SYN2: variants seen among roughly 807,000 people sequenced by gnomAD.
SYN2 encodes the protein synapsin II, also known as synapsin-2.
Under a neutral mutation model 50.9 loss-of-function variants are expected in SYN2, and 19 were observed. That is an observed-to-expected ratio of 0.37 (90% CI 0.26 to 0.55). The LOEUF is 0.55. Ranked by LOEUF, SYN2 falls within the 20% of genes least tolerant of loss-of-function variation. The probability of loss-of-function intolerance (pLI) is 0.81; values close to 1 mark genes in which losing one functional copy is unlikely to be tolerated. For synonymous variants in SYN2, 255 were observed against 224.9 expected (o/e 1.13, Z -1.20); for missense variants, 587 against 576.4 (o/e 1.02, Z -0.19).
chr3:12,102,890 A>T (rs554291237), intron 1 of SYN2, among the ~76,000 whole-genome samples: 2 of 152,270 alleles, frequency 1.3e-5, no homozygotes, highest in South Asian at 4.1e-4. Flanking sequence ...ACTACTCAAT[A>T]ACAATAGTAG....
intron 4 of SYN2, among the ~76,000 whole-genome samples, chr3:12,146,122 C>T (rs1336757273): frequency 6.6e-6 from 1 of 152,198 alleles, no homozygotes; most frequent in Non-Finnish European, 1.5e-5. Flanking sequence ...ACAACAAAGT[C>T]GCACAAAGAT....
intron 9 of SYN2, 65 bp from the exon 10 acceptor site, chr3:12,169,692 A>G: frequency 3.2e-6 from 5 of 1,578,300 alleles, no homozygotes; most frequent in Non-Finnish European, 4.3e-6. Flanking sequence ...CCCATTCTGA[A>G]AGATTGTACC....
chr3:12,025,908 T>C (rs905371599), intron 1 of SYN2, among the ~76,000 whole-genome samples: 2 of 152,238 alleles, frequency 1.3e-5, no homozygotes, highest in Admixed American at 1.3e-4. Context: ...GAAGCTTCCA[T>C]TGAATTTTAA....
At chr3:12,183,409 C>T (rs754536330) in intron 11 of SYN2, 37 bp downstream of exon 11, 8 of 1,613,262 alleles carry the variant, frequency 5.0e-6, no homozygotes, top group Non-Finnish European at 5.9e-6. Flanking sequence ...AATGGCATTG[C>T]AGTAGGGCCA....
chr3:12,143,554 T>G (rs994056099), intron 3 of SYN2, among the ~76,000 whole-genome samples: 1 of 152,200 alleles, frequency 6.6e-6, no homozygotes, highest in Non-Finnish European at 1.5e-5. Context: ...ATTTTCTGTT[T>G]CTGAGTTACT....
intron 7 of SYN2, chr3:12,165,785 T>C (rs903267466): frequency 6.6e-6 from 1 of 152,262 alleles, no homozygotes; most frequent in African/African-American, 2.4e-5. Context: ...ATTTTTATTA[T>C]GATTCTGTCT....
chr3:12,140,508 TA>T (rs1696989852), intron 1 of SYN2, 142 bp from the exon 2 acceptor site: 4 of 681,286 alleles, frequency 5.9e-6, no homozygotes, highest in Admixed American at 4.3e-5. Flanking sequence ...GGTGATCTCA[TA>T]GCAGAATGTG....
At chr3:12,015,488 G>A (rs1219646180) in intron 1 of SYN2, among the ~76,000 whole-genome samples, 2 of 152,172 alleles carry the variant, frequency 1.3e-5, no homozygotes, top group Admixed American at 6.5e-5. Context: ...AAAGCAACTC[G>A]TTGGTTCCCT....
At chr3:12,081,387 A>G (rs1390116453) in intron 1 of SYN2, among the ~76,000 whole-genome samples, 2 of 152,204 alleles carry the variant, frequency 1.3e-5, no homozygotes, top group African/African-American at 2.4e-5. Context: ...TAACTGAAAG[A>G]CAATTTGCTT....
At chr3:12,150,205 C>G (rs1405477914) in intron 4 of SYN2, among the ~76,000 whole-genome samples, 1 of 152,198 alleles carries the variant, frequency 6.6e-6, no homozygotes, top group African/African-American at 2.4e-5. Flanking sequence ...ATGCCAGATA[C>G]CAGTGGCTTC....
At chr3:12,083,581 A>G (rs1695625933) in intron 1 of SYN2, among the ~76,000 whole-genome samples, 1 of 152,152 alleles carries the variant, frequency 6.6e-6, no homozygotes, top group South Asian at 2.1e-4. Context: ...ATCCTTAGAA[A>G]ATACTGGAAG....
intron 2 of SYN2, among the ~76,000 whole-genome samples, chr3:12,141,191 A>G (rs1260331845): frequency 7.0e-6 from 1 of 143,736 alleles, no homozygotes. Context: ...GAATCACTGA[A>G]AGTCCAATTT....
chr3:12,163,229 A>G (rs899317712), intron 7 of SYN2, among the ~76,000 whole-genome samples: 5 of 134,216 alleles, frequency 3.7e-5, no homozygotes, highest in Non-Finnish European at 8.0e-5. Context: ...GCGACAGTGC[A>G]AGACTCTGTC....
chr3:12,184,379 A>G (rs1698295019), intron 11 of SYN2: 3 of 985,892 alleles, frequency 3.0e-6, no homozygotes, highest in Non-Finnish European at 2.4e-6. Context: ...TGACCTGTGT[A>G]CAGAGATAAT....
intron 11 of SYN2, chr3:12,185,868 T>C (rs959157481): frequency 3.0e-6 from 2 of 666,548 alleles, no homozygotes; most frequent in Non-Finnish European, 3.7e-6. Context: ...TGCCAAACTT[T>C]GGAAGTGGCA....
chr3:12,161,162 A>G (rs1237958505), intron 5 of SYN2, among the ~76,000 whole-genome samples: 1 of 152,268 alleles, frequency 6.6e-6, no homozygotes, highest in Non-Finnish European at 1.5e-5. Flanking sequence ...TGTTTTTAAA[A>G]TAAAAATACA....
intron 10 of SYN2, among the ~76,000 whole-genome samples, chr3:12,172,261 T>A (rs951654945): frequency 1.3e-5 from 2 of 152,196 alleles, no homozygotes; most frequent in African/African-American, 4.8e-5. Flanking sequence ...TAGATCCCTT[T>A]CAATTCTAAG....
intron 5 of SYN2, among the ~76,000 whole-genome samples, chr3:12,154,986 A>G (rs551391985): frequency 2.6e-5 from 4 of 152,260 alleles, no homozygotes; most frequent in East Asian, 3.9e-4. Context: ...TACCTTCCCC[A>G]TAGGAAATTT....
chr3:12,187,139 C>G (rs1698358090), intron 11 of SYN2, among the ~76,000 whole-genome samples: 1 of 152,168 alleles, frequency 6.6e-6, no homozygotes. Context: ...CCTTGTCCTG[C>G]TGACTGCTGC....
Sources: gnomAD v4.1 joint callset for allele counts (sites outside exome capture counted in the v4.1 genomes callset) on GRCh38, gnomAD v4.1.1 for gene constraint, MANE v1.5 for transcripts, NCBI Gene and HGNC (gene_info 2026-07-23, HGNC 2026-07-21) for gene names.